ADAMTSL3: variants seen among roughly 807,000 people sequenced by gnomAD.
The protein encoded by ADAMTSL3 is ADAMTS like 3.
A neutral mutation model predicts 201.7 loss-of-function variants in ADAMTSL3; 128 were observed. The observed-to-expected ratio is 0.63, with a 90% CI of 0.55 to 0.73. The LOEUF is 0.73. ADAMTSL3 is among the 30% of genes least tolerant of loss of function. The pLI is 0.00. For missense variants in ADAMTSL3, 1,990 were observed against 2,119.6 expected (o/e 0.94, Z 1.20); for synonymous variants, 738 against 748.4 (o/e 0.99, Z 0.23).
intron 2 of ADAMTSL3, among the ~76,000 whole-genome samples, chr15:83,678,806 T>TTA (rs1432727917): frequency 1.4e-5 from 2 of 141,802 alleles, no homozygotes; most frequent in East Asian, 4.0e-4. Flanking sequence ...TAATATATAT[T>TTA]TATATAATAT....
At chr15:83,846,739 G>A (rs1163323735) in intron 7 of ADAMTSL3, among the ~76,000 whole-genome samples, 2 of 152,204 alleles carry the variant, frequency 1.3e-5, no homozygotes, top group African/African-American at 2.4e-5. Context: ...TTTGGTTAAC[G>A]CCTCTGCTTT....
chr15:83,744,298 G>T (rs1383005209), intron 3 of ADAMTSL3, among the ~76,000 whole-genome samples: 2 of 152,078 alleles, frequency 1.3e-5, no homozygotes. Context: ...ATTTGCCAAA[G>T]ACACCAAAAA....
chr15:83,668,882 T>C (rs1351033720), intron 2 of ADAMTSL3, among the ~76,000 whole-genome samples: 3 of 152,158 alleles, frequency 2.0e-5, no homozygotes, highest in Non-Finnish European at 4.4e-5. Flanking sequence ...CAGAACATAT[T>C]TTTTTTCTTG....
rs776710159 is a variant in ADAMTSL3 at position 83,892,747 on chromosome 15, C to T, written c.1326C>T (p.Ser442=). The change falls in exon 13 of 30, where the codon AGC becomes AGT. Residue 442 remains serine (S), a synonymous_variant. Coordinates refer to ENST00000286744, the MANE Select transcript of ADAMTSL3 (RefSeq NM_207517.3). ...VSCGGGIQRR[S]FVCVEESMHG... ...GTGGAGGAGGGATTCAGAGACGGAGCTTTGTGTGTGTAGAGGAATCCATGC... is the reference window on the plus strand; with the variant it reads ...GTGGAGGAGGGATTCAGAGACGGAGTTTTGTGTGTGTAGAGGAATCCATGC... The T allele has an allele frequency of 6.2e-7, 1 of 1,613,994 alleles. No individual in the cohort carries two copies. The highest frequency in any genetic ancestry group is 8.5e-7 in the Non-Finnish European group (1 of 1,179,974).
chr15:83,799,276 T>A (rs922506263), intron 4 of ADAMTSL3, among the ~76,000 whole-genome samples: 2 of 152,172 alleles, frequency 1.3e-5, no homozygotes, highest in African/African-American at 4.8e-5. Context: ...TCCTTCAAAT[T>A]CATGATTTAG....
intron 19 of ADAMTSL3, chr15:83,945,779 A>T (rs1249073421): frequency 6.6e-6 from 1 of 152,230 alleles, no homozygotes; most frequent in African/African-American, 2.4e-5. Context: ...CAGGGAACTT[A>T]TAAGAAATGA....
intron 19 of ADAMTSL3, among the ~76,000 whole-genome samples, chr15:83,948,947 A>ATC (rs2066709454): frequency 6.6e-6 from 1 of 152,168 alleles, no homozygotes; most frequent in Non-Finnish European, 1.5e-5. Context: ...TGCAATGTGT[A>ATC]AGAATCACAA....
At chr15:83,666,702 G>T (rs373230929) in intron 2 of ADAMTSL3, among the ~76,000 whole-genome samples, 3 of 152,042 alleles carry the variant, frequency 2.0e-5, no homozygotes, top group Admixed American at 6.6e-5. Flanking sequence ...TTATCTGGGC[G>T]TGGTGGTGTG....
At chr15:83,884,721 A>G (rs1156983685) in intron 9 of ADAMTSL3, among the ~76,000 whole-genome samples, 3 of 152,196 alleles carry the variant, frequency 2.0e-5, no homozygotes, top group African/African-American at 7.2e-5. Context: ...AGTCTCCACT[A>G]TGTGCTATAT....
At chr15:83,738,055 T>C (rs982181) in intron 3 of ADAMTSL3, among the ~76,000 whole-genome samples, 60,542 of 151,926 alleles carry the variant, frequency 0.4, 13,091 homozygotes, top group South Asian at 0.63. Flanking sequence ...CCCAAGACTG[T>C]CTCCGAAATA....
At chr15:83,853,193 C>T (rs1400461253) in intron 7 of ADAMTSL3, among the ~76,000 whole-genome samples, 1 of 152,158 alleles carries the variant, frequency 6.6e-6, no homozygotes, top group Non-Finnish European at 1.5e-5. Flanking sequence ...CCAACATATT[C>T]TATCTTTTCT....
chr15:84,000,560 A>G (rs1446240420), intron 23 of ADAMTSL3, among the ~76,000 whole-genome samples: 1 of 152,236 alleles, frequency 6.6e-6, no homozygotes. Context: ...GATGAATACA[A>G]TCTGGTTTCT....
At position 84,037,821 on chromosome 15, in the gene ADAMTSL3, C is replaced by A; in HGVS notation, c.*15C>A. 1 of 1,601,280 alleles carries A rather than the reference C, an allele frequency of 6.2e-7. No individual in the cohort carries two copies. The highest frequency in any genetic ancestry group is 8.5e-7 in the Non-Finnish European group (1 of 1,177,050). The stretch of plus-strand genomic sequence containing the variant: ...AAGAGGGATAAACCTTTGGAGGGGT[C>A]ATGATGCTGCTGTGAAGATAAAAGT... On this transcript the variant is annotated 3_prime_UTR_variant, in exon 30 of 30. Coordinates refer to ENST00000286744, the MANE Select transcript of ADAMTSL3 (RefSeq NM_207517.3).
intron 19 of ADAMTSL3, among the ~76,000 whole-genome samples, chr15:83,946,436 C>G (rs911042902): frequency 6.6e-6 from 1 of 152,188 alleles, no homozygotes; most frequent in Non-Finnish European, 1.5e-5. Context: ...CCCAGCATTT[C>G]CGACTTTTAA....
chr15:83,831,278 C>G (rs76169546), intron 6 of ADAMTSL3, among the ~76,000 whole-genome samples: 1,911 of 152,186 alleles, frequency 0.013, 36 homozygotes, highest in African/African-American at 0.043. Context: ...GGTGCCATGT[C>G]TTTTTTTGGG....
intron 6 of ADAMTSL3, among the ~76,000 whole-genome samples, chr15:83,834,083 G>A (rs2064213150): frequency 6.6e-6 from 1 of 152,150 alleles, no homozygotes; most frequent in Admixed American, 6.5e-5. Context: ...AACAATTAAA[G>A]GTTACTTCTT....
chr15:83,792,306 T>G (rs1423272672), intron 4 of ADAMTSL3, among the ~76,000 whole-genome samples: 1 of 152,102 alleles, frequency 6.6e-6, no homozygotes, highest in Non-Finnish European at 1.5e-5. Context: ...ACATCAGTAA[T>G]TATCAGGGAA....
Position 83,655,648 on chromosome 15 carries a change from C to T in ADAMTSL3, c.-33-81C>T, listed in dbSNP as rs1165432829. 9 of 981,372 alleles carry T rather than the reference C, an allele frequency of 9.2e-6. No homozygotes were observed. In the African/African-American group the frequency reaches 1.5e-4, roughly 16 times the overall value. 60.8% of individuals were successfully genotyped at this position (981,372 alleles called of 1,614,324 possible). ...TAGTATATGGGCTTCAGGGTCCCTC[C>T]ATCTAATGGGTCGCTTAAGTCACGG... On this transcript the variant is annotated intron_variant, in intron 1 of 29. Coordinates refer to ENST00000286744, the MANE Select transcript of ADAMTSL3 (RefSeq NM_207517.3).
intron 6 of ADAMTSL3, among the ~76,000 whole-genome samples, chr15:83,833,654 G>C (rs897118430): frequency 1.3e-5 from 2 of 152,178 alleles, no homozygotes; most frequent in African/African-American, 4.8e-5. Flanking sequence ...TACAAGTGTA[G>C]CTGAAGTTTG....
Sources: gnomAD v4.1 joint callset for allele counts (sites outside exome capture counted in the v4.1 genomes callset) on GRCh38, gnomAD v4.1.1 for gene constraint, MANE v1.5 for transcripts, NCBI Gene and HGNC (gene_info 2026-07-23, HGNC 2026-07-21) for gene names.